DIAPH2: variants seen among roughly 807,000 people sequenced by gnomAD.
The protein encoded by DIAPH2 is diaphanous related formin 2.
In DIAPH2, 35 loss-of-function variants were observed where a neutral mutation model predicts 92.7. That is an observed-to-expected ratio of 0.38 (90% CI 0.29 to 0.50). The LOEUF (loss-of-function observed/expected upper bound fraction) is 0.50, where lower values mean the gene tolerates loss of function less well. Among genes scored for constraint, DIAPH2 ranks in the 20% least tolerant of loss-of-function variants. The pLI, the probability that DIAPH2 is intolerant of heterozygous loss-of-function variation, is 0.94. For missense variants in DIAPH2, 701 were observed against 819.5 expected, an observed-to-expected ratio of 0.86 and a Z score of 1.77; for synonymous variants, 301 against 280.4, an observed-to-expected ratio of 1.07 and a Z score of -0.73.
intron 22 of DIAPH2, among the ~76,000 whole-genome samples, chrX:97,187,369 G>A (rs1401043814): frequency 1.1e-5 from 1 of 89,533 alleles, no homozygotes; most frequent in Non-Finnish European, 2.1e-5. Flanking sequence ...TCTGTCTCCC[G>A]GGTTCAAGTG....
intron 26 of DIAPH2, among the ~76,000 whole-genome samples, chrX:97,596,632 C>T (rs1205123378): frequency 9.0e-6 from 1 of 111,588 alleles, no homozygotes; most frequent in Non-Finnish European, 1.9e-5. Flanking sequence ...CAATCATGGC[C>T]ACTATCACCC....
At chrX:96,780,353 G>A (rs760603386) in intron 4 of DIAPH2, among the ~76,000 whole-genome samples, 3 of 112,197 alleles carry the variant, frequency 2.7e-5, no homozygotes, top group Admixed American at 9.4e-5. Context: ...TACAGAAAAT[G>A]TCCATTTCAA....
In DIAPH2 at chrX:96,758,185, C is replaced by T. The variant is rs766861897; in HGVS notation, c.374C>T (p.Ala125Val). 1.7e-6 allele frequency: 2 copies of T among 1,205,731 alleles called. No individual in the cohort carries two copies. The highest frequency in any genetic ancestry group is 6.0e-5 in the East Asian group (2 of 33,613). The change falls in exon 4 of 27, where the codon GCT becomes GTT. Residue 125 changes from alanine to valine, a missense_variant. Ala to Val is a moderately conservative substitution (Grantham distance 64). This residue lies in a region of DIAPH2 where 131 missense variants were observed against 145.6 expected (regional missense o/e 0.90). Transcript: ENST00000324765. Reference sequence around the variant, plus strand: ...ATGAACCTTAACGAAGAGAAAAAAGCTCCTTTACGAAACAAAGACTTTACC... The same window carrying T: ...ATGAACCTTAACGAAGAGAAAAAAGTTCCTTTACGAAACAAAGACTTTACC... ...EDMNLNEEKKAPLRNKDFTTK... is the reference protein window; with the variant it reads ...EDMNLNEEKKVPLRNKDFTTK...
At chrX:97,244,647 G>A (rs2068124260) in intron 22 of DIAPH2, among the ~76,000 whole-genome samples, 1 of 111,981 alleles carries the variant, frequency 8.9e-6, no homozygotes, top group South Asian at 3.7e-4. Context: ...GAAAAATGGA[G>A]AGGTGTGGAA....
intron 23 of DIAPH2, among the ~76,000 whole-genome samples, chrX:97,270,322 C>G (rs1401768562): frequency 1.8e-5 from 2 of 112,078 alleles, no homozygotes; most frequent in Non-Finnish European, 3.8e-5. Flanking sequence ...CCTCGGCCTC[C>G]CAAAGTGCTG....
chrX:97,086,344 A>T (rs2066782702), intron 19 of DIAPH2, among the ~76,000 whole-genome samples: 1 of 111,955 alleles, frequency 8.9e-6, no homozygotes, highest in Non-Finnish European at 1.9e-5. Context: ...TAAAAAAGTC[A>T]AACTCATAGA....
intron 23 of DIAPH2, among the ~76,000 whole-genome samples, chrX:97,300,947 A>AAAAAAAAAAAAAAAAAT (rs2068695070): frequency 1.6e-5 from 1 of 63,999 alleles, no homozygotes; most frequent in Non-Finnish European, 3.1e-5. Flanking sequence ...AAAAAAAAAA[A>AAAAAAAAAAAAAAAAAT]AAAAAAAAAA....
chrX:97,233,016 A>G (rs2068020619), intron 22 of DIAPH2, among the ~76,000 whole-genome samples: 2 of 112,436 alleles, frequency 1.8e-5, no homozygotes, highest in African/African-American at 3.2e-5. Context: ...TCAGTGTGTT[A>G]TCATCTGACT....
chrX:97,057,406 T>C (rs2066564742), intron 17 of DIAPH2, among the ~76,000 whole-genome samples: 1 of 111,772 alleles, frequency 8.9e-6, no homozygotes, highest in Non-Finnish European at 1.9e-5. Flanking sequence ...AATTTCATTC[T>C]TTCATTGGAA....
chrX:96,821,008 T>C (rs1309146319), intron 4 of DIAPH2, among the ~76,000 whole-genome samples: 2 of 111,381 alleles, frequency 1.8e-5, no homozygotes, highest in African/African-American at 6.5e-5. Context: ...GCCTTTAATA[T>C]TGGAAAGAAC....
intron 22 of DIAPH2, among the ~76,000 whole-genome samples, chrX:97,221,370 A>T (rs933725911): frequency 8.9e-6 from 1 of 112,056 alleles, no homozygotes; most frequent in Non-Finnish European, 1.9e-5. Flanking sequence ...TTTTTTAAAT[A>T]TAAAATATAA....
chrX:96,789,890 G>C (rs936804732), intron 4 of DIAPH2, among the ~76,000 whole-genome samples: 11 of 110,462 alleles, frequency 1.0e-4, no homozygotes, highest in African/African-American at 1.3e-4. Flanking sequence ...ATAATATTAT[G>C]TTGGCTTTTA....
intron 26 of DIAPH2, among the ~76,000 whole-genome samples, chrX:97,438,580 C>T (rs1459553129): frequency 1.9e-5 from 2 of 108,064 alleles, no homozygotes; most frequent in Admixed American, 1.0e-4. Flanking sequence ...TTTTGTCATG[C>T]TGCCCGGGCT....
At chrX:96,856,673 C>T (rs1281774124) in intron 4 of DIAPH2, among the ~76,000 whole-genome samples, 1 of 110,284 alleles carries the variant, frequency 9.1e-6, no homozygotes, top group Non-Finnish European at 1.9e-5. Context: ...TTTGCTCTTT[C>T]AGCAAGTGTT....
intron 23 of DIAPH2, among the ~76,000 whole-genome samples, chrX:97,282,316 C>T (rs916199654): frequency 1.8e-4 from 20 of 111,449 alleles, no homozygotes; most frequent in African/African-American, 5.9e-4. Context: ...TTGTTTGAGA[C>T]GGAGTTTCGC....
At chrX:97,034,214 G>C (rs2066394852) in intron 17 of DIAPH2, among the ~76,000 whole-genome samples, 1 of 110,157 alleles carries the variant, frequency 9.1e-6, no homozygotes, top group South Asian at 3.8e-4. Context: ...AGAATTATTT[G>C]TTTATAGAAA....
intron 4 of DIAPH2, among the ~76,000 whole-genome samples, chrX:96,807,769 G>A (rs1245828934): frequency 9.4e-6 from 1 of 106,914 alleles, no homozygotes; most frequent in Non-Finnish European, 1.9e-5. Flanking sequence ...AGGAAAAAGT[G>A]TGCCAGGAAT....
intron 4 of DIAPH2, among the ~76,000 whole-genome samples, chrX:96,767,196 C>T (rs1396309878): frequency 3.6e-5 from 4 of 111,380 alleles, no homozygotes; most frequent in African/African-American, 9.8e-5. Flanking sequence ...TTTCAGAATA[C>T]TCCTATTTTA....
In DIAPH2 at chrX:97,090,409, C is replaced by T. The variant is rs775189640; in HGVS notation, c.2248-9285C>T. 2.6e-3 allele frequency among the ~76,000 whole-genome samples: 276 copies of T among 105,153 alleles called. 1 individual carries two copies. The highest frequency in any genetic ancestry group is 8.8e-3 in the African/African-American group (255 of 28,827). 91.3% of individuals were successfully genotyped at this position (105,153 alleles called of 115,157 possible). ...ACCCCCAGGCCACCGCTGCCCGCCACGCCCGGGCCTAATGCCCAGGTGCCC... is the reference window on the plus strand; with the variant it reads ...ACCCCCAGGCCACCGCTGCCCGCCATGCCCGGGCCTAATGCCCAGGTGCCC... On this transcript the variant is annotated intron_variant, in intron 19 of 26. Coordinates refer to ENST00000324765, the MANE Select transcript of DIAPH2 (RefSeq NM_006729.5).
Sources: gnomAD v4.1 joint callset for allele counts (sites outside exome capture counted in the v4.1 genomes callset) on GRCh38, gnomAD v4.1.1 for gene constraint, gnomAD v4.1.1 regional missense constraint, MANE v1.5 for transcripts, NCBI Gene and HGNC (gene_info 2026-07-23, HGNC 2026-07-21) for gene names.